Variants in METTL2B observed in about 807,000 individuals in gnomAD.
METTL2B encodes the protein tRNA N(3)-cytidine methyltransferase METTL2B.
In METTL2B, 28 loss-of-function variants were observed where a neutral mutation model predicts 51.0. The ratio of observed to expected loss-of-function variants is 0.55; its 90% CI spans 0.41 to 0.75. The LOEUF (loss-of-function observed/expected upper bound fraction) is 0.75. Ranked by LOEUF, METTL2B falls within the 30% of genes least tolerant of loss-of-function variation. The pLI is 0.00. For synonymous variants in METTL2B, 128 were observed against 166.3 expected (o/e 0.77, Z 1.77); for missense variants, 313 against 460.7 (o/e 0.68, Z 2.93).
chr7:128,497,672 G>A (rs573151292), intron 6 of METTL2B, among the ~76,000 whole-genome samples: 4 of 152,066 alleles, frequency 2.6e-5, no homozygotes, highest in African/African-American at 7.2e-5. Flanking sequence ...CAGTAGAGAC[G>A]GGGTTTCACC....
At chr7:128,479,718 C>CA (rs1230726911) in intron 3 of METTL2B, among the ~76,000 whole-genome samples, 11 of 152,202 alleles carry the variant, frequency 7.2e-5, no homozygotes, top group Non-Finnish European at 1.3e-4. Flanking sequence ...TCATCACAGA[C>CA]AAAGATCACA....
Position 128,476,895 on chromosome 7 carries a change from G to C in METTL2B, c.110+20G>C. 1 of 1,613,166 alleles carries C rather than the reference G, an allele frequency of 6.2e-7. No individual in the cohort carries two copies. The highest frequency in any genetic ancestry group is 8.5e-7 in the Non-Finnish European group (1 of 1,179,562). ...TGCCTGGTAATCACCCTGCCCCCTC[G>C]CCCGGCCTGTCGCTGGCCGTCTGTC... On this transcript the variant is annotated intron_variant, in intron 1 of 8. Coordinates refer to ENST00000262432, the MANE Select transcript of METTL2B (RefSeq NM_018396.3).
chr7:128,501,631 AT>A lies in METTL2B; in HGVS notation c.983-128del, dbSNP rs1278754077. 3 of 1,495,158 alleles carry A rather than the reference AT, an allele frequency of 2.0e-6. No individual in the cohort carries two copies. In the East Asian group the frequency reaches 7.0e-5, roughly 35 times the overall value. 92.6% of individuals were successfully genotyped at this position (1,495,158 alleles called of 1,614,324 possible). A position where few individuals can be genotyped will look rare whatever the true frequency, so the allele number is the denominator to read the frequency against. ...CTTGTTGTTACCAAGCCACCACTGCATTTATAACCAAATGGCCATGTAAAAA... is the reference window on the plus strand; with the variant it reads ...CTTGTTGTTACCAAGCCACCACTGCATTATAACCAAATGGCCATGTAAAAA... On this transcript the variant is annotated intron_variant, in intron 8 of 8. Transcript: ENST00000262432.
At chr7:128,490,542 C>T (rs961263211) in intron 5 of METTL2B, among the ~76,000 whole-genome samples, 3 of 152,082 alleles carry the variant, frequency 2.0e-5, no homozygotes, top group African/African-American at 7.2e-5. Context: ...CAAAATACAG[C>T]CCCAAGTTCC....
At chr7:128,480,492 C>A (rs1035273384) in intron 3 of METTL2B, among the ~76,000 whole-genome samples, 155 bp from the exon 4 acceptor site, 3 of 152,188 alleles carry the variant, frequency 2.0e-5, no homozygotes, top group African/African-American at 7.2e-5. Context: ...ACATCAAAAT[C>A]AACAAATGTC....
At chr7:128,480,593 T>C in intron 3 of METTL2B, 54 bp from the exon 4 acceptor site, 2 of 1,611,512 alleles carry the variant, frequency 1.2e-6, no homozygotes, top group South Asian at 1.1e-5. Flanking sequence ...TTTTCTAGCT[T>C]TCGGGAATTA....
chr7:128,497,929 G>C (rs1792952192), intron 6 of METTL2B, 107 bp from the exon 7 acceptor site: 1 of 1,057,558 alleles, frequency 9.5e-7, no homozygotes, highest in Non-Finnish European at 1.4e-6. Flanking sequence ...TCTCAGACTT[G>C]GTGTGTCAGT....
Position 128,501,906 on chromosome 7 carries a change from G to C in METTL2B, c.1127G>C (p.Ser376Thr), listed in dbSNP as rs754429158. 8.7e-6 allele frequency: 14 copies of C among 1,614,030 alleles called. No individual in the cohort carries two copies. The South Asian group carries it at 1.5e-4, about 18-fold the overall frequency. The stretch of plus-strand genomic sequence containing the variant: ...AAATACTGCAAGCCCCTTCTGTCCA[G>C]CACCAGCTAAGAGGCACCTGCTGCC... ...QCKYCKPLLS[S>T]TS Residue 376 changes from serine to threonine, a missense_variant, in exon 9 of 9, where the codon AGC (serine) becomes ACC (threonine). Ser to Thr is a moderately conservative substitution (Grantham distance 58). Coordinates refer to ENST00000262432, the MANE Select transcript of METTL2B (RefSeq NM_018396.3).
chr7:128,500,090 A>C (rs1318677946), intron 7 of METTL2B, among the ~76,000 whole-genome samples: 1 of 152,146 alleles, frequency 6.6e-6, no homozygotes, highest in Non-Finnish European at 1.5e-5. Context: ...GGAAATAAGT[A>C]TACACGTGTG....
rs1061928 is a variant in METTL2B, at chr7:128,502,461, G to A, written c.*545G>A. Reference sequence around the variant, plus strand: ...AGGCAATTGCAGTTAATACATACAGGGGTTAGTGAAGGGCTTATTAAGTTG... The same window carrying A: ...AGGCAATTGCAGTTAATACATACAGAGGTTAGTGAAGGGCTTATTAAGTTG... On this transcript the variant is annotated 3_prime_UTR_variant, in exon 9 of 9. Transcript: ENST00000262432. 5 of 380,648 alleles carry A rather than the reference G, an allele frequency of 1.3e-5. No individual in the cohort carries two copies. The Admixed American group carries it at 1.4e-4, about 11-fold the overall frequency. The allele number at this position is 380,648 out of a possible 1,614,324, so 23.6% of individuals were successfully genotyped here. A position where few individuals can be genotyped will look rare whatever the true frequency, so the allele number is the denominator to read the frequency against.
At chr7:128,489,888 A>C (rs1439959461) in intron 5 of METTL2B, among the ~76,000 whole-genome samples, 1 of 152,018 alleles carries the variant, frequency 6.6e-6, no homozygotes, top group African/African-American at 2.4e-5. Flanking sequence ...TCGGCCTCCC[A>C]AAGTGCTGGG....
chr7:128,498,889 C>T (rs534143539), intron 7 of METTL2B, among the ~76,000 whole-genome samples: 46 of 151,576 alleles, frequency 3.0e-4, no homozygotes, highest in Non-Finnish European at 5.3e-4. Context: ...CCCAGCTACT[C>T]GGGAGGCTGA....
At position 128,502,063 on chromosome 7, in the gene METTL2B, A is replaced by T. The variant is rs1040713884; in HGVS notation, c.*147A>T. 1.8e-6 allele frequency: 2 copies of T among 1,133,520 alleles called. No homozygotes were observed. The highest frequency in any genetic ancestry group is 2.5e-6 in the Non-Finnish European group (2 of 809,152). 70.2% of individuals were successfully genotyped at this position (1,133,520 alleles called of 1,614,324 possible). ...GAGGATCCATTGAGCCCAGGAGTCC[A>T]GCCTGGGCAAAATAGCGAGAGACCC... On this transcript the variant is annotated 3_prime_UTR_variant, in exon 9 of 9. Transcript: ENST00000262432.
At position 128,505,769 on chromosome 7, in the gene METTL2B, G is replaced by C. The variant is rs1317489142; in HGVS notation, c.*3853G>C. On this transcript the variant is annotated 3_prime_UTR_variant, in exon 9 of 9. Transcript: ENST00000262432. ...ATTGGTTGGTATTTTGTACAGAAAAGCTTTCTCATATCTGATTTACTTGTC... is the reference window on the plus strand; with the variant it reads ...ATTGGTTGGTATTTTGTACAGAAAACCTTTCTCATATCTGATTTACTTGTC... 4 of 152,114 alleles carry C rather than the reference G, an allele frequency of 2.6e-5. No homozygotes were observed. Among genetic ancestry groups the C allele is most frequent in the African/African-American group, 9.7e-5 (4 of 41,434 alleles). 9.4% of individuals were successfully genotyped at this position (152,114 alleles called of 1,614,324 possible).
chr7:128,479,468 T>C lies in METTL2B; in HGVS notation c.513T>C (p.Cys171=). The part of the protein sequence containing the change: ...VTQKISDLEI[C]ADEFPGSSAT... ...AGAAAATTAGTGACCTGGAAATTTG[T>C]GCTGATGAGTTTCCTGGATCCTCAG... The change falls in exon 3 of 9, where the codon TGT becomes TGC. Residue 171 remains cysteine, a synonymous_variant. Transcript: ENST00000262432. 2 of 1,613,966 alleles carry C rather than the reference T, an allele frequency of 1.2e-6. No homozygotes were observed. The highest frequency in any genetic ancestry group is 1.7e-6 in the Non-Finnish European group (2 of 1,179,906).
chr7:128,492,739 C>T (rs1388799974), intron 5 of METTL2B, among the ~76,000 whole-genome samples: 3 of 152,060 alleles, frequency 2.0e-5, no homozygotes, highest in African/African-American at 4.8e-5. Context: ...GCCTCAGCCT[C>T]CCGAGTAGCT....
chr7:128,484,178 G>A (rs1792640152), intron 4 of METTL2B: 1 of 133,414 alleles, frequency 7.5e-6, no homozygotes. Flanking sequence ...AGTCTTTACA[G>A]CCTTTTTATG....
At chr7:128,500,530 G>A (rs1793010069) in intron 7 of METTL2B, among the ~76,000 whole-genome samples, 2 of 152,272 alleles carry the variant, frequency 1.3e-5, no homozygotes, top group African/African-American at 4.8e-5. Context: ...GCTGAGGCAG[G>A]AGAATCACTT....
chr7:128,483,977 G>A (rs1792628155), intron 4 of METTL2B: 1 of 152,260 alleles, frequency 6.6e-6, no homozygotes, highest in South Asian at 2.1e-4. Context: ...ACCCGCCTCA[G>A]CCTCCCAAAG....
Sources: allele counts gnomAD v4.1 joint callset (sites outside exome capture counted in the v4.1 genomes callset), GRCh38; gene constraint gnomAD v4.1.1; transcripts MANE v1.5; gene names NCBI Gene and HGNC (gene_info 2026-07-23, HGNC 2026-07-21).